HTR1F: variants seen among roughly 807,000 people sequenced by gnomAD.
HTR1F encodes the protein 5-hydroxytryptamine (serotonin) receptor 1F, G protein-coupled.
In HTR1F, 17 loss-of-function variants were observed where a neutral mutation model predicts 24.0. The ratio of observed to expected loss-of-function variants is 0.71; its 90% CI spans 0.48 to 1.06. The LOEUF (loss-of-function observed/expected upper bound fraction) is 1.06. HTR1F is among the 50% of genes least tolerant of loss of function. The probability of loss-of-function intolerance (pLI) is 0.00; values close to 1 mark genes in which losing one functional copy is unlikely to be tolerated. For synonymous variants in HTR1F, 186 were observed against 156.8 expected (o/e 1.19, Z -1.39); for missense variants, 391 against 427.8 (o/e 0.91, Z 0.76).
chr3:87,907,205 T>C (rs1703686309), intron 2 of HTR1F, among the ~76,000 whole-genome samples: 3 of 151,710 alleles, frequency 2.0e-5, no homozygotes, highest in South Asian at 2.1e-4. Context: ...TTATTTTTTT[T>C]TTTGATTATT....
intron 1 of HTR1F, among the ~76,000 whole-genome samples, chr3:87,808,667 G>A (rs1704111763): frequency 6.6e-6 from 1 of 151,480 alleles, no homozygotes; most frequent in Non-Finnish European, 1.5e-5. Context: ...GGTTTGGTTT[G>A]TTCTTGCATT....
chr3:87,989,182 C>G (rs895558026), intron 2 of HTR1F, among the ~76,000 whole-genome samples: 1 of 152,038 alleles, frequency 6.6e-6, no homozygotes, highest in Non-Finnish European at 1.5e-5. Flanking sequence ...TTATTATACT[C>G]CAAATGTTCT....
chr3:87,821,445 A>T (rs1473795306), intron 1 of HTR1F, among the ~76,000 whole-genome samples: 1 of 152,130 alleles, frequency 6.6e-6, no homozygotes, highest in Non-Finnish European at 1.5e-5. Flanking sequence ...TTTTAATCCC[A>T]CAAAACATAG....
At chr3:87,814,990 C>A (rs1704224163) in intron 1 of HTR1F, among the ~76,000 whole-genome samples, 1 of 152,176 alleles carries the variant, frequency 6.6e-6, no homozygotes, top group South Asian at 2.1e-4. Flanking sequence ...AAGCTATGGG[C>A]AATGACACAT....
At chr3:87,883,637 G>A (rs186877837) in intron 2 of HTR1F, among the ~76,000 whole-genome samples, 10 of 152,290 alleles carry the variant, frequency 6.6e-5, no homozygotes, top group African/African-American at 2.4e-4. Flanking sequence ...AATAAACAGT[G>A]TAGAGAAGAC....
chr3:87,969,018 G>C (rs559734939), intron 2 of HTR1F, among the ~76,000 whole-genome samples: 7 of 152,116 alleles, frequency 4.6e-5, no homozygotes, highest in Non-Finnish European at 1.0e-4. Context: ...GTGGTATTGA[G>C]TCTGCAAGTG....
chr3:87,927,556 T>G (rs1325741116), intron 2 of HTR1F, among the ~76,000 whole-genome samples: 4 of 152,150 alleles, frequency 2.6e-5, no homozygotes, highest in Non-Finnish European at 5.9e-5. Context: ...ATATTATATT[T>G]AGAAATCTAA....
chr3:87,888,349 A>G (rs758404864), intron 2 of HTR1F, among the ~76,000 whole-genome samples: 1 of 152,200 alleles, frequency 6.6e-6, no homozygotes, highest in Non-Finnish European at 1.5e-5. Context: ...GGATAGCATT[A>G]GGAGAAATAT....
chr3:87,797,426 A>G (rs910797026), intron 1 of HTR1F, among the ~76,000 whole-genome samples: 1 of 152,246 alleles, frequency 6.6e-6, no homozygotes, highest in South Asian at 2.1e-4. Context: ...GTTGCAATGC[A>G]GTATGTTTGA....
chr3:87,914,888 G>A (rs1449257329), intron 2 of HTR1F, among the ~76,000 whole-genome samples: 3 of 152,060 alleles, frequency 2.0e-5, no homozygotes, highest in Admixed American at 6.6e-5. Flanking sequence ...AGGCCAGCCA[G>A]CACAAAAATA....
chr3:87,834,330 CAAATACTCATAT>C (rs1320605228), intron 2 of HTR1F, among the ~76,000 whole-genome samples: 6 of 151,766 alleles, frequency 4.0e-5, no homozygotes, highest in Admixed American at 1.3e-4. Flanking sequence ...TATATGCGCA[CAAATACTCATAT>C]AAATACTCAT....
At chr3:87,807,008 A>G (rs1704084623) in intron 1 of HTR1F, among the ~76,000 whole-genome samples, 1 of 152,034 alleles carries the variant, frequency 6.6e-6, no homozygotes, top group Non-Finnish European at 1.5e-5. Flanking sequence ...TTGTACCAGT[A>G]CCATGCGATC....
intron 2 of HTR1F, among the ~76,000 whole-genome samples, chr3:87,840,781 A>G (rs1231193910): frequency 2.6e-5 from 4 of 152,036 alleles, no homozygotes; most frequent in African/African-American, 9.7e-5. Flanking sequence ...CATTTGCAAC[A>G]ACATGGCTGA....
intron 1 of HTR1F, among the ~76,000 whole-genome samples, chr3:87,809,182 TA>T: frequency 6.6e-6 from 1 of 151,792 alleles, no homozygotes; most frequent in East Asian, 1.9e-4. Context: ...AAGATGGAGT[TA>T]AAAATAATAG....
Position 87,833,325 on chromosome 3 carries a change from C to T in HTR1F, c.-43+11201C>T, listed in dbSNP as rs529867498. Among the ~76,000 whole-genome samples the T allele has an allele frequency of 4.3e-4, 65 of 152,220 alleles. 1 individual carries two copies. The South Asian group carries it at 0.013, about 31-fold the overall frequency. On this transcript the variant is annotated intron_variant, in intron 2 of 2. Coordinates refer to ENST00000319595, the MANE Select transcript of HTR1F (RefSeq NM_001322209.2). ...ACCTTAACTATTTTTCTTTTAAAGC[C>T]ATTTCCCAAGTGTTGTCCTTGAGCT...
At chr3:87,989,854 A>G (rs1417784026) in intron 2 of HTR1F, among the ~76,000 whole-genome samples, 1 of 152,222 alleles carries the variant, frequency 6.6e-6, no homozygotes, top group Non-Finnish European at 1.5e-5. Flanking sequence ...AACCAGTTAC[A>G]GGGAGAAGGC....
chr3:87,817,524 A>T (rs955258742), intron 1 of HTR1F, among the ~76,000 whole-genome samples: 1 of 152,192 alleles, frequency 6.6e-6, no homozygotes, highest in African/African-American at 2.4e-5. Flanking sequence ...TATGCATTTT[A>T]GCTAGCAAAA....
intron 2 of HTR1F, among the ~76,000 whole-genome samples, chr3:87,916,479 G>A (rs185021834): frequency 5.5e-4 from 84 of 151,938 alleles, no homozygotes; most frequent in African/African-American, 9.2e-4. Context: ...TGCTACCTTC[G>A]GGAGACTCAC....
rs2107528205 is a variant in HTR1F, at chr3:87,991,469, A to G, written c.720A>G (p.Ser240=). 9 of 1,614,096 alleles carry G rather than the reference A, an allele frequency of 5.6e-6. No individual in the cohort carries two copies. The highest frequency in any genetic ancestry group is 7.6e-6 in the Non-Finnish European group (9 of 1,179,982). ...AGAGTGGTGAGAAAAGCACTAAATC[A>G]GTTTCCACATCCTATGTACTAGAAA... ...LLESGEKSTK[S]VSTSYVLEKS... is the part of the protein sequence containing the mutation. The change falls in exon 3 of 3, where the codon TCA becomes TCG. Residue 240 remains serine, a synonymous_variant. Coordinates refer to ENST00000319595, the MANE Select transcript of HTR1F (RefSeq NM_001322209.2).
Sources: allele counts gnomAD v4.1 joint callset (sites outside exome capture counted in the v4.1 genomes callset), GRCh38; gene constraint gnomAD v4.1.1; transcripts MANE v1.5; gene names NCBI Gene and HGNC (gene_info 2026-07-23, HGNC 2026-07-21).